Variants in RIF1 observed in about 807,000 individuals in gnomAD.
RIF1 encodes the protein telomere-associated protein RIF1.
Under a neutral mutation model 247.1 loss-of-function variants are expected in RIF1, and 45 were observed. The ratio of observed to expected loss-of-function variants is 0.18; its 90% CI spans 0.14 to 0.23. The LOEUF (loss-of-function observed/expected upper bound fraction) is 0.23. Ranked by LOEUF, RIF1 falls within the 10% of genes least tolerant of loss-of-function variation. The probability of loss-of-function intolerance (pLI) is 1.00; values close to 1 mark genes in which losing one functional copy is unlikely to be tolerated. For synonymous variants in RIF1, 1,087 were observed against 978.8 expected (o/e 1.11, Z -2.06); for missense variants, 2,967 against 2,862.5 (o/e 1.04, Z -0.83).
Position 151,440,142 on chromosome 2 carries a change from C to G in RIF1, c.1647+15C>G, listed in dbSNP as rs369747575. 1.5e-6 allele frequency: 2 copies of G among 1,306,482 alleles called. No homozygotes were observed. The highest frequency in any genetic ancestry group is 2.2e-6 in the Non-Finnish European group (2 of 919,332). The allele number at this position is 1,306,482 out of a possible 1,614,324, so 80.9% of individuals were successfully genotyped here. A position where few individuals can be genotyped will look rare whatever the true frequency, so the allele number is the denominator to read the frequency against. On this transcript the variant is annotated intron_variant, in intron 15 of 35. Transcript: ENST00000444746. ...CAAAAACGCTGGTAAGTATAATACC[C>G]GTATGTTGGACTTTAAAAACCATTT...
At chr2:151,436,560 AT>A (rs1470877502) in intron 11 of RIF1, among the ~76,000 whole-genome samples, 28 of 151,772 alleles carry the variant, frequency 1.8e-4, no homozygotes, top group African/African-American at 6.3e-4. Context: ...AAAAAAAAAA[AT>A]CTCAGCAGTT....
chr2:151,496,428 G>A (rs901821350), intron 10 of RIF1: 5 of 1,536,410 alleles, frequency 3.3e-6, no homozygotes, highest in Non-Finnish European at 4.4e-6. Context: ...TTGTTGAGAG[G>A]TTTTAAGGGT....
chr2:151,506,358 A>G (rs2068843457), exon 13 of RIF1: 7 of 872,778 alleles, frequency 8.0e-6, no homozygotes, highest in Non-Finnish European at 1.3e-5. Flanking sequence ...AAAACAAGAC[A>G]CTAGACGATG....
intron 34 of RIF1, among the ~76,000 whole-genome samples, chr2:151,472,097 G>T (rs2048581292): frequency 6.6e-6 from 1 of 152,144 alleles, no homozygotes; most frequent in South Asian, 2.1e-4. Flanking sequence ...TCCCTTGTAA[G>T]TTGGATTCCT....
chr2:151,528,492 C>A, the RIF1 span, among the ~76,000 whole-genome samples: 2 of 152,136 alleles, frequency 1.3e-5, no homozygotes, highest in Non-Finnish European at 2.9e-5. Context: ...ACTGCATTTG[C>A]TTTATCTCAC....
downstream of RIF1, among the ~76,000 whole-genome samples, chr2:151,511,203 C>T (rs2073996631): frequency 6.6e-6 from 1 of 152,180 alleles, no homozygotes; most frequent in Non-Finnish European, 1.5e-5. Context: ...TCCCTGGCTC[C>T]CTCAGTGAAC....
rs751718672 is a variant in RIF1 at position 151,457,856 on chromosome 2, A to G, written c.2748A>G (p.Leu916=). The change falls in exon 24 of 36, where the codon TTA becomes TTG. Residue 916 remains leucine, a synonymous_variant. Transcript: ENST00000444746. ...TTCTTGAACAACTCTCCCCACTATT[A>G]TGCATAATATTTCTGCACAAGAATA... ...SELLEQLSPL[L]CIIFLHKNKQ... The G allele has an allele frequency of 1.2e-6, 2 of 1,613,532 alleles. No individual in the cohort carries two copies. The highest frequency in any genetic ancestry group is 1.7e-4 in the Middle Eastern group (1 of 6,058).
chr2:151,456,075 G>A (rs536596575), intron 22 of RIF1, among the ~76,000 whole-genome samples: 14 of 152,098 alleles, frequency 9.2e-5, no homozygotes, highest in South Asian at 6.2e-4. Flanking sequence ...AGCAAGCAGT[G>A]CTTTAAAACC....
At chr2:151,421,693 A>G (rs553974901) in intron 7 of RIF1, among the ~76,000 whole-genome samples, 5 of 152,220 alleles carry the variant, frequency 3.3e-5, no homozygotes, top group African/African-American at 9.6e-5. Flanking sequence ...GACAGGCGTG[A>G]GCCACCACAC....
chr2:151,514,674 T>G, the RIF1 span: 1 of 646,120 alleles, frequency 1.5e-6, no homozygotes, highest in Non-Finnish European at 2.7e-6. Context: ...GGTAATAGAT[T>G]AGGTGGTAGT....
chr2:151,416,667 C>G lies in RIF1; in HGVS notation c.387C>G (p.Pro129=). ...GGGTGATATCTAAGCAGACATTTCC[C>G]TCTGAAGTGGTTGGCAAAATGGTGA... The part of the protein sequence containing the change: ...ALWVISKQTF[P]SEVVGKMVSS... Residue 129 remains proline, a synonymous_variant, in exon 5 of 36, where the codon CCC becomes CCG. Coordinates refer to ENST00000444746, the MANE Select transcript of RIF1 (RefSeq NM_018151.5). 1 of 1,612,824 alleles carries G rather than the reference C, an allele frequency of 6.2e-7. No homozygotes were observed. Among genetic ancestry groups the G allele is most frequent in the Non-Finnish European group, 8.5e-7 (1 of 1,179,700 alleles).
chr2:151,414,050 G>A (rs896311492), intron 3 of RIF1, among the ~76,000 whole-genome samples: 1 of 152,146 alleles, frequency 6.6e-6, no homozygotes, highest in Non-Finnish European at 1.5e-5. Context: ...GGTGGCTCAC[G>A]CCTGTAATCC....
At chr2:151,514,981 T>C in the RIF1 span, 3 of 1,139,054 alleles carry the variant, frequency 2.6e-6, no homozygotes, top group African/African-American at 4.7e-5. Context: ...TATTACAATA[T>C]ATCTCTCCAT....
intron 14 of RIF1, 30 bp from the exon 15 acceptor site, chr2:151,439,997 A>AAAAAAAAAAAAACAAATC: frequency 1.2e-6 from 1 of 860,568 alleles, no homozygotes; most frequent in African/African-American, 1.7e-5. Flanking sequence ...AAAAAAAAAG[A>AAAAAAAAAAAAACAAATC]ACTATACCCT....
chr2:151,506,957 G>C, intron 13 of RIF1: 1 of 1,611,726 alleles, frequency 6.2e-7, no homozygotes, highest in South Asian at 1.1e-5. Flanking sequence ...TTTCTGGCGT[G>C]TCTTGAACAA....
rs1166941249 is a variant in RIF1 at position 151,505,560 on chromosome 2, T to G, written c.*862-650T>G. On this transcript the variant is annotated intron_variant and NMD_transcript_variant, in intron 12 of 13. Transcript: ENST00000454583. ...TGGAGTTCCTTGTCCTATTGCTTCCTTATACTTCACCTGCAGATTTAAAAA... is the reference window on the plus strand; with the variant it reads ...TGGAGTTCCTTGTCCTATTGCTTCCGTATACTTCACCTGCAGATTTAAAAA... 6.2e-7 allele frequency: 1 copy of G among 1,613,030 alleles called. No homozygotes were observed. The highest frequency in any genetic ancestry group is 8.5e-7 in the Non-Finnish European group (1 of 1,179,106).
intron 20 of RIF1, among the ~76,000 whole-genome samples, chr2:151,448,877 T>TA (rs1332460474): frequency 6.6e-6 from 1 of 152,184 alleles, no homozygotes; most frequent in Non-Finnish European, 1.5e-5. Flanking sequence ...TTATCACCTT[T>TA]AAAAAATGGT....
At chr2:151,490,262 G>C (rs2055234726) in intron 9 of RIF1, 1 of 1,370,648 alleles carries the variant, frequency 7.3e-7, no homozygotes, top group South Asian at 1.4e-5. Flanking sequence ...CTCATTAAAG[G>C]AAAGGATGAA....
the RIF1 span, among the ~76,000 whole-genome samples, chr2:151,527,227 T>A: frequency 6.6e-6 from 1 of 152,136 alleles, no homozygotes; most frequent in South Asian, 2.1e-4. Flanking sequence ...CCATCCCCAG[T>A]CTTCCCCCAG....
Sources: gnomAD v4.1 joint callset for allele counts (sites outside exome capture counted in the v4.1 genomes callset) on GRCh38, gnomAD v4.1.1 for gene constraint, MANE v1.5 for transcripts, NCBI Gene and HGNC (gene_info 2026-07-23, HGNC 2026-07-21) for gene names.